The following MEF2A variants were observed in gnomAD, a reference collection of about 807,000 sequenced individuals.
MEF2A encodes myocyte enhancer factor 2A.
In MEF2A, 28 loss-of-function variants were observed where a neutral mutation model predicts 55.8. The ratio of observed to expected loss-of-function variants is 0.50; its 90% confidence interval spans 0.37 to 0.69. The LOEUF is 0.69. Among genes scored for constraint, MEF2A ranks in the 30% least tolerant of loss-of-function variants. The pLI is 0.00. For missense variants in MEF2A, 528 were observed against 626.2 expected (o/e 0.84, Z 1.67); for synonymous variants, 239 against 227.1 (o/e 1.05, Z -0.47).
At position 99,684,189 on chromosome 15, in the gene MEF2A, G is replaced by A. The variant is rs115399747; in HGVS notation, c.671-6052G>A. On this transcript the variant is annotated intron_variant, in intron 7 of 11. Transcript: ENST00000557942. Reference sequence around the variant, plus strand: ...AATGTGCTGCTATAAACATGTGTGCGCAAGTGTCTTTCATATACTGACTTC... The same window carrying A: ...AATGTGCTGCTATAAACATGTGTGCACAAGTGTCTTTCATATACTGACTTC... Among the ~76,000 whole-genome samples, 228 of 152,246 alleles carry A rather than the reference G, an allele frequency of 1.5e-3. 1 individual carries two copies. Among genetic ancestry groups the A allele is most frequent in the African/African-American group, 5.1e-3 (211 of 41,532 alleles).
chr15:99,620,359 A>G (rs12900424), intron 2 of MEF2A, among the ~76,000 whole-genome samples: 10,132 of 152,192 alleles, frequency 0.067, 399 homozygotes, highest in East Asian at 0.17. Context: ...TCCCTCTAGT[A>G]GTCTCCAGTG....
chr15:99,591,819 A>G (rs952740331), intron 1 of MEF2A, among the ~76,000 whole-genome samples: 3 of 152,114 alleles, frequency 2.0e-5, no homozygotes, highest in Non-Finnish European at 4.4e-5. Flanking sequence ...TATGTTTAGA[A>G]AATGCATTTT....
At chr15:99,702,341 C>T (rs760079990) in intron 8 of MEF2A, among the ~76,000 whole-genome samples, 6 of 151,904 alleles carry the variant, frequency 3.9e-5, no homozygotes, top group Non-Finnish European at 8.8e-5. Flanking sequence ...GCTTAACTTA[C>T]TCAAGTAAAA....
At chr15:99,697,284 A>G (rs2056623755) in intron 8 of MEF2A, among the ~76,000 whole-genome samples, 2 of 152,116 alleles carry the variant, frequency 1.3e-5, no homozygotes, top group African/African-American at 4.8e-5. Context: ...TATCGGGAAG[A>G]GAGAAATTAA....
chr15:99,579,293 T>C (rs1965241041), intron 1 of MEF2A, among the ~76,000 whole-genome samples: 1 of 152,010 alleles, frequency 6.6e-6, no homozygotes, highest in African/African-American at 2.4e-5. Context: ...ATAGTTTTTT[T>C]TTCTGCTTTA....
rs141502186 is a variant in MEF2A at position 99,707,840 on chromosome 15, C to T, written c.1009+985C>T. On this transcript the variant is annotated intron_variant, in intron 10 of 11. Coordinates refer to ENST00000557942, the MANE Select transcript of MEF2A (RefSeq NM_001319206.4). ...GGCACAGAACTTTGAAACTGCTGTC[C>T]GCAGCTACGTGAGGGGACAGAGCGT... Among the ~76,000 whole-genome samples, 34 of 152,078 alleles carry T rather than the reference C, an allele frequency of 2.2e-4. No homozygotes were observed. The East Asian group carries it at 5.8e-3, about 26-fold the overall frequency.
intron 6 of MEF2A, among the ~76,000 whole-genome samples, chr15:99,675,124 G>A (rs933117860): frequency 1.3e-5 from 2 of 152,034 alleles, no homozygotes; most frequent in African/African-American, 2.4e-5. Flanking sequence ...CACTGCCCCC[G>A]TTTTTATCAG....
chr15:99,688,137 G>C (rs559739604), intron 7 of MEF2A, among the ~76,000 whole-genome samples: 2 of 152,276 alleles, frequency 1.3e-5, no homozygotes, highest in South Asian at 4.1e-4. Context: ...ATACCACACT[G>C]TAATCTCTGT....
chr15:99,700,046 G>GA (rs1345126465), intron 8 of MEF2A, among the ~76,000 whole-genome samples: 3 of 147,410 alleles, frequency 2.0e-5, no homozygotes, highest in Non-Finnish European at 1.5e-5. Flanking sequence ...TTTTAGTAGA[G>GA]ACGGGGTTTC....
At chr15:99,681,166 A>G (rs2053178151) in intron 7 of MEF2A, among the ~76,000 whole-genome samples, 1 of 152,258 alleles carries the variant, frequency 6.6e-6, no homozygotes, top group East Asian at 1.9e-4. Flanking sequence ...GAGAAAGAGA[A>G]AAAACATATA....
At chr15:99,636,453 C>T (rs2043857427) in intron 3 of MEF2A, among the ~76,000 whole-genome samples, 1 of 151,998 alleles carries the variant, frequency 6.6e-6, no homozygotes, top group Non-Finnish European at 1.5e-5. Flanking sequence ...TCAAGTGATC[C>T]TCTCATCTTC....
chr15:99,621,765 G>C (rs1314139598), intron 2 of MEF2A, among the ~76,000 whole-genome samples: 1 of 152,034 alleles, frequency 6.6e-6, no homozygotes, highest in African/African-American at 2.4e-5. Flanking sequence ...GATCCTTAAA[G>C]ATTTTCTTTT....
At position 99,671,337 on chromosome 15, in the gene MEF2A, A is replaced by T; in HGVS notation, c.273A>T (p.Lys91Asn). The T allele has an allele frequency of 6.2e-7, 1 of 1,601,940 alleles. No homozygotes were observed. Among genetic ancestry groups the T allele is most frequent in the Non-Finnish European group, 8.5e-7 (1 of 1,171,682 alleles). The change falls in exon 5 of 12, where the codon AAA becomes AAT. Residue 91 changes from lysine (K) to asparagine (N), a missense_variant. By Grantham distance (94) the Lys-to-Asn change is moderately conservative (BLOSUM62 0). Around this residue, in one of 2 missense-constraint regions of MEF2A, gnomAD observed 78 missense variants for 150.9 expected, o/e 0.52. Transcript: ENST00000557942. The stretch of plus-strand genomic sequence containing the variant: ...TTGTATTTCAGACTTTAAGAAAGAA[A>T]GGCCTTAATGGTTGTGAGAGCCCTG... Reference protein sequence around the residue: ...NSDIVETLRKKGLNGCESPDA... With the variant: ...NSDIVETLRKNGLNGCESPDA...
chr15:99,594,188 G>C (rs534936185), intron 1 of MEF2A, among the ~76,000 whole-genome samples: 31 of 152,274 alleles, frequency 2.0e-4, no homozygotes, highest in African/African-American at 7.2e-4. Context: ...CAGTACTTCT[G>C]ATCAATTGGC....
At chr15:99,675,192 G>T (rs1486085423) in intron 6 of MEF2A, among the ~76,000 whole-genome samples, 1 of 152,134 alleles carries the variant, frequency 6.6e-6, no homozygotes, top group Non-Finnish European at 1.5e-5. Flanking sequence ...GCGACATCAA[G>T]CTTGAAAGGT....
intron 1 of MEF2A, among the ~76,000 whole-genome samples, chr15:99,576,366 A>T (rs1429042150): frequency 1.3e-5 from 2 of 152,206 alleles, no homozygotes; most frequent in Non-Finnish European, 2.9e-5. Context: ...ATTTTAAAAC[A>T]GGAGTGTGAA....
rs2058092986 is a variant in MEF2A, at chr15:99,706,863, T to C, written c.1009+8T>C. 6.2e-7 allele frequency: 1 copy of C among 1,612,668 alleles called. No homozygotes were observed. Among genetic ancestry groups the C allele is most frequent in the East Asian group, 2.2e-5 (1 of 44,848 alleles). On this transcript the variant is annotated splice_region_variant and intron_variant, in intron 10 of 11. Coordinates refer to ENST00000557942, the MANE Select transcript of MEF2A (RefSeq NM_001319206.4). ...CGACTGCCTACAACACTGGTGAGCC[T>C]GCTCTGGTGCCTTCCGTAGGTTTTA...
chr15:99,703,125 G>T (rs1366617119), intron 8 of MEF2A, among the ~76,000 whole-genome samples: 2 of 152,216 alleles, frequency 1.3e-5, no homozygotes, highest in African/African-American at 4.8e-5. Context: ...CCAAGTTGGG[G>T]TAGGAGGGTG....
intron 2 of MEF2A, among the ~76,000 whole-genome samples, chr15:99,603,116 T>A (rs1360943754): frequency 3.3e-5 from 5 of 152,204 alleles, no homozygotes; most frequent in African/African-American, 1.2e-4. Context: ...AATTTTCCTT[T>A]GTTTGCATCC....
Sources: allele counts gnomAD v4.1 joint callset (sites outside exome capture counted in the v4.1 genomes callset), GRCh38; gene constraint gnomAD v4.1.1; regional missense constraint gnomAD v4.1.1; transcripts MANE v1.5; gene names NCBI Gene and HGNC (gene_info 2026-07-23, HGNC 2026-07-21).